The following RHOQ variants were observed in gnomAD, a reference collection of about 807,000 sequenced individuals.
RHOQ encodes the protein rho-related GTP-binding protein RhoQ.
Under a neutral mutation model 25.8 loss-of-function variants are expected in RHOQ, and 7 were observed. The ratio of observed to expected loss-of-function variants is 0.27; its 90% confidence interval spans 0.15 to 0.51. The LOEUF (loss-of-function observed/expected upper bound fraction) is 0.51, where lower values mean the gene tolerates loss of function less well. Ranked by LOEUF, RHOQ falls within the 20% of genes least tolerant of loss-of-function variation. The probability of loss-of-function intolerance (pLI) is 0.97; values close to 1 mark genes in which losing one functional copy is unlikely to be tolerated. For synonymous variants in RHOQ, 97 were observed against 98.6 expected (o/e 0.98, Z 0.10); for missense variants, 165 against 260.6 (o/e 0.63, Z 2.53).
intron 4 of RHOQ, among the ~76,000 whole-genome samples, chr2:46,577,705 G>A (rs190008816): frequency 1.2e-4 from 18 of 149,966 alleles, no homozygotes; most frequent in African/African-American, 2.7e-4. Context: ...ATGAGCCACC[G>A]CGCCCGGCCC....
chr2:46,544,343 A>G (rs934607104), intron 2 of RHOQ, among the ~76,000 whole-genome samples: 3 of 152,336 alleles, frequency 2.0e-5, no homozygotes, highest in Non-Finnish European at 4.4e-5. Flanking sequence ...CCAAAGGACC[A>G]CAGGGAAAAA....
Position 46,543,106 on chromosome 2 carries a change from G to T in RHOQ, c.60G>T (p.Val20=). The change falls in exon 1 of 5, where the codon GTG becomes GTT. Residue 20 remains valine (V), a synonymous_variant. Coordinates refer to ENST00000238738, the MANE Select transcript of RHOQ (RefSeq NM_012249.4). The part of the protein sequence containing the change: ...LKCVVVGDGA[V]GKTCLLMSYA... The stretch of plus-strand genomic sequence containing the variant: ...GCGTGGTGGTCGGCGACGGGGCGGT[G>T]GGCAAGACGTGCCTACTCATGAGCT... The T allele has an allele frequency of 1.9e-6, 3 of 1,610,318 alleles. No individual in the cohort carries two copies. Among genetic ancestry groups the T allele is most frequent in the Non-Finnish European group, 2.5e-6 (3 of 1,178,536 alleles).
At chr2:46,551,723 G>A (rs925846449) in intron 2 of RHOQ, among the ~76,000 whole-genome samples, 2 of 152,152 alleles carry the variant, frequency 1.3e-5, no homozygotes, top group Non-Finnish European at 2.9e-5. Context: ...TGAAGCAGCC[G>A]CCTCTCCAGA....
chr2:46,561,128 C>G (rs1400324440), intron 2 of RHOQ, among the ~76,000 whole-genome samples: 2 of 149,084 alleles, frequency 1.3e-5, no homozygotes, highest in East Asian at 2.0e-4. Context: ...GTTTATATGT[C>G]TGTGTGTGTG....
intron 1 of RHOQ, chr2:46,543,404 C>T (rs958659708): frequency 9.9e-6 from 6 of 607,382 alleles, no homozygotes; most frequent in Admixed American, 3.0e-5. Context: ...CTACGCGGCT[C>T]CTGCTCCCCG....
chr2:46,564,947 A>G (rs918911180), intron 2 of RHOQ, among the ~76,000 whole-genome samples: 11 of 152,206 alleles, frequency 7.2e-5, no homozygotes, highest in African/African-American at 2.4e-4. Context: ...GCAATGGGCT[A>G]TGTAGAGGGA....
At position 46,576,200 on chromosome 2, in the gene RHOQ, G is replaced by C; in HGVS notation, c.315G>C (p.Pro105=). Residue 105 remains proline (P), a synonymous_variant, in exon 3 of 5, where the codon CCG becomes CCC. Transcript: ENST00000238738. The surrounding 1 kb of genome is among the most constrained non-coding windows in gnomAD (Gnocchi z 5.1). ...SFQNVKEEWV[P]ELKEYAPNVP... is the part of the protein sequence containing the mutation. ...AAAATGTGAAAGAGGAGTGGGTACC[G>C]GAACTTAAGGAATACGCACCAAATG... The C allele has an allele frequency of 6.2e-7, 1 of 1,612,394 alleles. No homozygotes were observed. The highest frequency in any genetic ancestry group is 8.5e-7 in the Non-Finnish European group (1 of 1,179,224).
chr2:46,550,787 CG>C (rs1226232026), intron 2 of RHOQ, among the ~76,000 whole-genome samples: 2 of 152,162 alleles, frequency 1.3e-5, no homozygotes, highest in Non-Finnish European at 2.9e-5. Flanking sequence ...GCTGAGAGTG[CG>C]GGCCCAGGCT....
chr2:46,553,300 A>G (rs1450540260), intron 2 of RHOQ, among the ~76,000 whole-genome samples: 3 of 151,900 alleles, frequency 2.0e-5, no homozygotes, highest in Non-Finnish European at 4.4e-5. Flanking sequence ...TGCAGAGAAC[A>G]TGACTTATTT....
rs368031799 is a variant in RHOQ, at chr2:46,567,672, A to G, written c.202-8415A>G. On this transcript the variant is annotated intron_variant, in intron 2 of 4. Coordinates refer to ENST00000238738, the MANE Select transcript of RHOQ (RefSeq NM_012249.4). ...CTCGCAGAGTGCTGTGATTACAGGC[A>G]TAAGCCACTGCACCCAGCCTCCTGT... Among the ~76,000 whole-genome samples, 11 of 152,256 alleles carry G rather than the reference A, an allele frequency of 7.2e-5. No individual in the cohort carries two copies. The East Asian group carries it at 1.5e-3, about 21-fold the overall frequency.
chr2:46,545,209 G>C (rs530648448), intron 2 of RHOQ, among the ~76,000 whole-genome samples: 9 of 152,302 alleles, frequency 5.9e-5, no homozygotes, highest in African/African-American at 1.9e-4. Context: ...TACCTTCATT[G>C]GAGGATGTGG....
intron 2 of RHOQ, among the ~76,000 whole-genome samples, chr2:46,563,929 C>T (rs1458062456): frequency 5.3e-5 from 8 of 151,768 alleles, no homozygotes; most frequent in African/African-American, 7.3e-5. Flanking sequence ...GGATTATAGG[C>T]GTGGGCCACC....
chr2:46,557,721 C>G (rs1011044914), intron 2 of RHOQ, among the ~76,000 whole-genome samples: 1 of 152,068 alleles, frequency 6.6e-6, no homozygotes, highest in Non-Finnish European at 1.5e-5. Context: ...ATAAAATATT[C>G]CTCTTTACTT....
At chr2:46,579,022 A>T (rs538477006) in intron 4 of RHOQ, among the ~76,000 whole-genome samples, 1 of 152,246 alleles carries the variant, frequency 6.6e-6, no homozygotes, top group Non-Finnish European at 1.5e-5. Context: ...TTAGAGCTAC[A>T]AAGATGCTGA....
At chr2:46,567,764 A>G (rs1181191234) in intron 2 of RHOQ, among the ~76,000 whole-genome samples, 1 of 152,234 alleles carries the variant, frequency 6.6e-6, no homozygotes, top group East Asian at 1.9e-4. Context: ...CTTCCTAGAA[A>G]ATTCATTAAA....
At chr2:46,560,487 T>C (rs1668540579) in intron 2 of RHOQ, 1 of 445,600 alleles carries the variant, frequency 2.2e-6, no homozygotes, top group Non-Finnish European at 4.6e-6. Context: ...AGGGCCAGGC[T>C]CCTGATGAAT....
At chr2:46,543,875 G>A in intron 2 of RHOQ, 63 bp downstream of exon 2, 2 of 1,481,300 alleles carry the variant, frequency 1.4e-6, no homozygotes, top group Admixed American at 1.8e-5. Context: ...TGGCTGCGAA[G>A]GGCCTTTGGA....
chr2:46,557,315 G>A (rs1276059210), intron 2 of RHOQ, among the ~76,000 whole-genome samples: 1 of 152,184 alleles, frequency 6.6e-6, no homozygotes, highest in Non-Finnish European at 1.5e-5. Context: ...ACACATTGAT[G>A]CATAGTAAAA....
chr2:46,572,107 G>GTGTTTTTTTTTTT (rs1553422127), intron 2 of RHOQ, among the ~76,000 whole-genome samples: 3 of 66,254 alleles, frequency 4.5e-5, no homozygotes, highest in African/African-American at 1.7e-4. Context: ...GTAAGTGTGT[G>GTGTTTTTTTTTTT]TTTTTTTTTT....
Sources: gnomAD v4.1 joint callset for allele counts (sites outside exome capture counted in the v4.1 genomes callset) on GRCh38, gnomAD v4.1.1 for gene constraint, Gnocchi (gnomAD v3.1) non-coding constraint, MANE v1.5 for transcripts, NCBI Gene and HGNC (gene_info 2026-07-23, HGNC 2026-07-21) for gene names.